Variants in DUSP22 observed in about 807,000 individuals in gnomAD.
DUSP22 encodes dual specificity protein phosphatase 22.
Under a neutral mutation model 24.5 loss-of-function variants are expected in DUSP22, and 24 were observed. The observed-to-expected ratio is 0.98, with a 90% CI of 0.71 to 1.38. The LOEUF is 1.38. DUSP22 is among the 40% of genes most tolerant of loss of function. DUSP22 has a pLI of 0.00. For synonymous variants in DUSP22, 160 were observed against 106.4 expected, an observed-to-expected ratio of 1.50 and a Z score of -3.10; for missense variants, 330 against 269.2, an observed-to-expected ratio of 1.23 and a Z score of -1.58.
At chr6:323,126 C>T (rs981959090) in intron 3 of DUSP22, among the ~76,000 whole-genome samples, 3 of 152,310 alleles carry the variant, frequency 2.0e-5, no homozygotes, top group Non-Finnish European at 4.4e-5. Flanking sequence ...GCAATAGCAC[C>T]TAGCTAGTTT....
rs1406913904 is a variant in DUSP22 at position 312,020 on chromosome 6, C to T, written c.138+58C>T. ...CCTCATTTGTATTCCGTGGGAGTAC[C>T]TACGACGTTAATGAAGGCAACCAGG... On this transcript the variant is annotated intron_variant, in intron 3 of 6. Transcript: ENST00000419235. 3.2e-6 allele frequency: 5 copies of T among 1,558,742 alleles called. No homozygotes were observed. The East Asian group carries it at 6.9e-5, about 21-fold the overall frequency.
In DUSP22 at chr6:342,841, G is replaced by A. The variant is rs541974304; in HGVS notation, c.189-3013G>A. Among the ~76,000 whole-genome samples the A allele has an allele frequency of 2.0e-5, 3 of 152,426 alleles. No homozygotes were observed. In the South Asian group the frequency reaches 6.2e-4, roughly 32 times the overall value. ...TGCTTCAACATGGACAGAGCTGCAGGAAGACAGGATGTCCTTCCCAAACAA... is the reference window on the plus strand; with the variant it reads ...TGCTTCAACATGGACAGAGCTGCAGAAAGACAGGATGTCCTTCCCAAACAA... On this transcript the variant is annotated intron_variant, in intron 4 of 6. Coordinates refer to ENST00000419235, the MANE Select transcript of DUSP22 (RefSeq NM_001286555.3).
intron 3 of DUSP22, among the ~76,000 whole-genome samples, chr6:334,850 C>T (rs1452409680): frequency 1.3e-5 from 2 of 152,306 alleles, no homozygotes; most frequent in Admixed American, 6.5e-5. Context: ...TCAACTATTT[C>T]ACTTTTTTGA....
chr6:320,009 T>C (rs1250977252), intron 3 of DUSP22: 1 of 152,552 alleles, frequency 6.6e-6, no homozygotes, highest in East Asian at 1.9e-4. Context: ...GTCGGGTGTG[T>C]AAGAGCGGCC....
intron 2 of DUSP22, among the ~76,000 whole-genome samples, chr6:310,286 C>T (rs1289784009): frequency 6.6e-6 from 1 of 152,302 alleles, no homozygotes; most frequent in Non-Finnish European, 1.5e-5. Flanking sequence ...TGATCCATTT[C>T]TCCTGTATCA....
At chr6:317,301 T>C (rs1758378131) in intron 3 of DUSP22, among the ~76,000 whole-genome samples, 2 of 152,424 alleles carry the variant, frequency 1.3e-5, no homozygotes, top group South Asian at 4.1e-4. Context: ...GGACCCTGGT[T>C]TCCTGCCACG....
chr6:306,128 G>A (rs1349739584), intron 2 of DUSP22, among the ~76,000 whole-genome samples: 3 of 152,304 alleles, frequency 2.0e-5, no homozygotes, highest in Non-Finnish European at 4.4e-5. Flanking sequence ...GTGGTGAGTA[G>A]GCCAGGATAC....
Position 350,740 on chromosome 6 carries a change from C to G in DUSP22, c.*1789C>G, listed in dbSNP as rs1053746980. 2.5e-5 allele frequency: 41 copies of G among 1,612,618 alleles called. No individual in the cohort carries two copies. The highest frequency in any genetic ancestry group is 3.3e-5 in the Non-Finnish European group (39 of 1,179,374). ...AGCTTGAATGCTTAAATATGTGCAC[C>G]TTTACAAACCTCTCAGTGTATTCTT... On this transcript the variant is annotated 3_prime_UTR_variant, in exon 7 of 7. Coordinates refer to ENST00000419235, the MANE Select transcript of DUSP22 (RefSeq NM_001286555.3).
intron 3 of DUSP22, among the ~76,000 whole-genome samples, chr6:319,579 G>A (rs2127402791): frequency 6.6e-6 from 1 of 152,420 alleles, no homozygotes; most frequent in Non-Finnish European, 1.5e-5. Flanking sequence ...GATGCCCGGG[G>A]GATACAGCTT....
intron 3 of DUSP22, among the ~76,000 whole-genome samples, chr6:318,767 G>A (rs1758443583): frequency 6.6e-6 from 1 of 152,310 alleles, no homozygotes; most frequent in African/African-American, 2.4e-5. Context: ...ATTCATGGCA[G>A]CGCTGTTTGT....
chr6:346,785 G>T (rs377353794), intron 5 of DUSP22, among the ~76,000 whole-genome samples: 1,442 of 151,940 alleles, frequency 9.5e-3, no homozygotes, highest in Non-Finnish European at 0.016. Flanking sequence ...GGACTGTGAA[G>T]TGATAACTCC....
chr6:294,224 A>T (rs1757221709), intron 1 of DUSP22, among the ~76,000 whole-genome samples: 1 of 152,282 alleles, frequency 6.6e-6, no homozygotes, highest in African/African-American at 2.4e-5. Flanking sequence ...CTTGACTTTT[A>T]TTATCTTGTG....
At chr6:304,761 T>A (rs1009061597) in intron 2 of DUSP22, 100 bp downstream of exon 2, 7 of 1,520,804 alleles carry the variant, frequency 4.6e-6, no homozygotes, top group Non-Finnish European at 6.4e-6. Flanking sequence ...TTTAAGTAAT[T>A]TGCATTGCTG....
rs556379306 is a variant in DUSP22 at position 350,882 on chromosome 6, T to C, written c.*1931T>C. The C allele has an allele frequency of 6.8e-6, 11 of 1,614,190 alleles. No individual in the cohort carries two copies. The South Asian group carries it at 9.9e-5, about 15-fold the overall frequency. On this transcript the variant is annotated 3_prime_UTR_variant, in exon 7 of 7. Transcript: ENST00000419235. ...AGAAGACTGTAATGTACCTGAAGTT[T>C]CTGAAATATTGCAAACCCACAGAGT...
chr6:307,341 C>G lies in DUSP22; in HGVS notation c.55+2680C>G, dbSNP rs570486501. On this transcript the variant is annotated intron_variant, in intron 2 of 6. Transcript: ENST00000419235. Reference sequence around the variant, plus strand: ...CCCCACTTCTCTCCCTCCCTCCCTTCCTTCTCCTCTTCCCTCCTTCCTTTC... The same window carrying G: ...CCCCACTTCTCTCCCTCCCTCCCTTGCTTCTCCTCTTCCCTCCTTCCTTTC... Among the ~76,000 whole-genome samples the G allele has an allele frequency of 1.8e-4, 28 of 152,402 alleles. No homozygotes were observed. The East Asian group carries it at 5.2e-3, about 28-fold the overall frequency.
intron 3 of DUSP22, among the ~76,000 whole-genome samples, chr6:333,329 A>T (rs1264828535): frequency 2.0e-5 from 3 of 152,418 alleles, no homozygotes; most frequent in Admixed American, 2.0e-4. Flanking sequence ...AGATGTTCCC[A>T]TGTGGATAAA....
chr6:345,643 C>A (rs1759828150), intron 4 of DUSP22, among the ~76,000 whole-genome samples: 1 of 152,306 alleles, frequency 6.6e-6, no homozygotes, highest in African/African-American at 2.4e-5. Context: ...AGTGATTAAG[C>A]ATTTATCAGG....
At chr6:323,690 T>C (rs953160305) in intron 3 of DUSP22, among the ~76,000 whole-genome samples, 6 of 152,310 alleles carry the variant, frequency 3.9e-5, no homozygotes, top group African/African-American at 1.2e-4. Flanking sequence ...TTTGTAACTC[T>C]GGGGTGAACA....
chr6:312,084 G>T (rs1758136447), intron 3 of DUSP22, 122 bp downstream of exon 3: 2 of 1,078,148 alleles, frequency 1.9e-6, no homozygotes, highest in Admixed American at 5.5e-5. Context: ...ATCTCTGGCG[G>T]CATTCCCATT....
Sources: gnomAD v4.1 joint callset for allele counts (sites outside exome capture counted in the v4.1 genomes callset) on GRCh38, gnomAD v4.1.1 for gene constraint, MANE v1.5 for transcripts, NCBI Gene and HGNC (gene_info 2026-07-23, HGNC 2026-07-21) for gene names.